The following ROBO2 variants were observed in gnomAD, a reference collection of about 807,000 sequenced individuals.
The protein encoded by ROBO2 is roundabout guidance receptor 2.
A neutral mutation model predicts 160.8 loss-of-function variants in ROBO2; 53 were observed. The observed-to-expected ratio is 0.33, with a 90% CI of 0.26 to 0.41. ROBO2 has a LOEUF of 0.41. ROBO2 is among the 10% of genes least tolerant of loss of function. The pLI, the probability that ROBO2 is intolerant of heterozygous loss-of-function variation, is 1.00. For synonymous variants in ROBO2, 664 were observed against 611.7 expected (o/e 1.09, Z -1.26); for missense variants, 1,577 against 1,722.4 (o/e 0.92, Z 1.49).
intron 2 of ROBO2, among the ~76,000 whole-genome samples, chr3:76,323,901 C>G (rs1020735741): frequency 7.9e-5 from 12 of 152,202 alleles, no homozygotes; most frequent in African/African-American, 2.9e-4. Context: ...TAGCACTTAA[C>G]AGTGAGCATT....
At chr3:77,495,708 C>T (rs983505032) in intron 5 of ROBO2, among the ~76,000 whole-genome samples, 30 of 152,268 alleles carry the variant, frequency 2.0e-4, no homozygotes, top group African/African-American at 7.2e-4. Context: ...TTAGAAATGA[C>T]ATGCTCTTCT....
In ROBO2 at chr3:77,644,929, G is replaced by C. The variant is rs370271656; in HGVS notation, c.4135+25G>C. The C allele has an allele frequency of 3.7e-6, 6 of 1,606,396 alleles. No homozygotes were observed. The South Asian group carries it at 4.4e-5, about 12-fold the overall frequency. ...TGTAAGTGCTTAGGTCATTTAAAAGGCTATCGTGATTCAGAAAGAATCTTG... is the reference window on the plus strand; with the variant it reads ...TGTAAGTGCTTAGGTCATTTAAAAGCCTATCGTGATTCAGAAAGAATCTTG... On this transcript the variant is annotated intron_variant, in intron 25 of 25. Coordinates refer to ENST00000461745, the Ensembl canonical transcript of ROBO2.
At chr3:76,660,682 T>A (rs776655178) in intron 2 of ROBO2, among the ~76,000 whole-genome samples, 1 of 152,128 alleles carries the variant, frequency 6.6e-6, no homozygotes, top group South Asian at 2.1e-4. Context: ...ATTTCTAGAG[T>A]TGTAGTTCAT....
At chr3:75,996,714 A>C (rs1432101630) in intron 2 of ROBO2, among the ~76,000 whole-genome samples, 1 of 152,050 alleles carries the variant, frequency 6.6e-6, no homozygotes, top group Non-Finnish European at 1.5e-5. Context: ...TAAAGTAATG[A>C]ATATCTATTC....
intron 2 of ROBO2, among the ~76,000 whole-genome samples, chr3:76,657,998 T>G (rs1172501046): frequency 6.7e-6 from 1 of 148,840 alleles, no homozygotes; most frequent in East Asian, 2.0e-4. Context: ...GCCCAGGGCG[T>G]TGAGGCTGTG....
chr3:76,832,107 A>C (rs11716805), intron 2 of ROBO2, among the ~76,000 whole-genome samples: 1 of 152,118 alleles, frequency 6.6e-6, no homozygotes, highest in South Asian at 2.1e-4. Flanking sequence ...AGATTAATTG[A>C]TAGTTTTGAC....
At chr3:77,640,138 G>A (rs1392763961) in intron 24 of ROBO2, among the ~76,000 whole-genome samples, 1 of 102,428 alleles carries the variant, frequency 9.8e-6, no homozygotes, top group Non-Finnish European at 1.9e-5. Context: ...TTGAGACGGA[G>A]TCTCGCTCTA....
At chr3:77,572,007 A>C (rs1258711501) in intron 13 of ROBO2, among the ~76,000 whole-genome samples, 1 of 151,944 alleles carries the variant, frequency 6.6e-6, no homozygotes, top group Non-Finnish European at 1.5e-5. Flanking sequence ...TGAAGTGTGC[A>C]AGTGTGCAAA....
At chr3:76,337,889 G>T (rs1172156387) in intron 2 of ROBO2, among the ~76,000 whole-genome samples, 1 of 151,944 alleles carries the variant, frequency 6.6e-6, no homozygotes, top group Non-Finnish European at 1.5e-5. Context: ...TGAGGTTTTG[G>T]GCTCCACCAT....
chr3:77,469,179 C>A (rs765798082), intron 2 of ROBO2, among the ~76,000 whole-genome samples: 2 of 152,160 alleles, frequency 1.3e-5, no homozygotes, highest in Non-Finnish European at 2.9e-5. Flanking sequence ...AAAAAGGAAA[C>A]TTACACTGGC....
At chr3:76,374,164 C>G (rs1194457249) in intron 2 of ROBO2, among the ~76,000 whole-genome samples, 2 of 151,914 alleles carry the variant, frequency 1.3e-5, no homozygotes, top group Non-Finnish European at 2.9e-5. Flanking sequence ...AGTCCCCCCT[C>G]CCATGTTTTC....
At chr3:76,968,258 G>T (rs1353222358) in intron 2 of ROBO2, among the ~76,000 whole-genome samples, 1 of 152,040 alleles carries the variant, frequency 6.6e-6, no homozygotes, top group Non-Finnish European at 1.5e-5. Flanking sequence ...GATTAGTCTT[G>T]CAGCTATACG....
At chr3:77,062,112 A>G (rs1198595871) in intron 1 of ROBO2, among the ~76,000 whole-genome samples, 1 of 152,144 alleles carries the variant, frequency 6.6e-6, no homozygotes, top group African/African-American at 2.4e-5. Context: ...CTTTTGATGT[A>G]TGTGCCCTAT....
At chr3:76,438,455 G>A (rs2076781864) in intron 2 of ROBO2, among the ~76,000 whole-genome samples, 1 of 150,658 alleles carries the variant, frequency 6.6e-6, no homozygotes. Context: ...GCACATATAT[G>A]ATGGTAGCAC....
intron 17 of ROBO2, among the ~76,000 whole-genome samples, chr3:77,593,657 C>A (rs2094231989): frequency 6.6e-6 from 1 of 152,066 alleles, no homozygotes; most frequent in Non-Finnish European, 1.5e-5. Context: ...ATTATGATAG[C>A]ATGAGAGATA....
At chr3:77,458,970 C>A (rs920931708) in intron 2 of ROBO2, among the ~76,000 whole-genome samples, 1 of 152,136 alleles carries the variant, frequency 6.6e-6, no homozygotes. Flanking sequence ...AACCTGCCCA[C>A]CTCACAGGGT....
intron 1 of ROBO2, among the ~76,000 whole-genome samples, chr3:75,918,747 C>T (rs1946910988): frequency 6.6e-6 from 1 of 152,184 alleles, no homozygotes; most frequent in Non-Finnish European, 1.5e-5. Flanking sequence ...AGGTCCTTCA[C>T]ATCCCTCGTA....
chr3:77,567,856 T>C (rs567379408), intron 12 of ROBO2, among the ~76,000 whole-genome samples: 1 of 152,142 alleles, frequency 6.6e-6, no homozygotes, highest in African/African-American at 2.4e-5. Context: ...AACCTGCAAA[T>C]TGGGACAAGG....
chr3:76,541,317 CAT>C (rs146461004), intron 2 of ROBO2, among the ~76,000 whole-genome samples: 132 of 152,296 alleles, frequency 8.7e-4, no homozygotes, highest in Middle Eastern at 3.4e-3. Context: ...CTTTGTCAAA[CAT>C]GTGTGGAAAT....
Sources: gnomAD v4.1 joint callset for allele counts (sites outside exome capture counted in the v4.1 genomes callset) on GRCh38, gnomAD v4.1.1 for gene constraint, MANE v1.5 for transcripts, NCBI Gene and HGNC (gene_info 2026-07-23, HGNC 2026-07-21) for gene names.